THADA: variants seen among roughly 807,000 people sequenced by gnomAD.
THADA encodes THADA armadillo repeat containing.
In THADA, 213 loss-of-function variants were observed where a neutral mutation model predicts 219.8. That is an observed-to-expected ratio of 0.97 (90% confidence interval 0.87 to 1.09). The LOEUF is 1.09. THADA is among the 50% of genes least tolerant of loss of function. The pLI, the probability that THADA is intolerant of heterozygous loss-of-function variation, is 0.00. For missense variants in THADA, 2,956 were observed against 2,311.3 expected, an observed-to-expected ratio of 1.28 and a Z score of -5.72; for synonymous variants, 1,018 against 828.9, an observed-to-expected ratio of 1.23 and a Z score of -3.92.
At chr2:43,542,152 A>G (rs966848435) in intron 20 of THADA, among the ~76,000 whole-genome samples, 7 of 152,234 alleles carry the variant, frequency 4.6e-5, no homozygotes, top group African/African-American at 7.2e-5. Flanking sequence ...CTATTATATT[A>G]AATAAAAGAG....
At chr2:43,262,789 A>G (rs780099800) in intron 36 of THADA, among the ~76,000 whole-genome samples, 2 of 152,244 alleles carry the variant, frequency 1.3e-5, no homozygotes, top group African/African-American at 4.8e-5. Flanking sequence ...CAGCTGTGTC[A>G]GCATCACTGG....
intron 20 of THADA, among the ~76,000 whole-genome samples, chr2:43,544,787 G>C (rs1223966849): frequency 2.6e-5 from 4 of 151,510 alleles, no homozygotes; most frequent in Admixed American, 2.0e-4. Flanking sequence ...TGAGAAAATG[G>C]GGTTTTCTAG....
intron 29 of THADA, among the ~76,000 whole-genome samples, chr2:43,345,560 C>T (rs893043742): frequency 1.3e-5 from 2 of 152,140 alleles, no homozygotes; most frequent in African/African-American, 4.8e-5. Context: ...CCGCAGGGAC[C>T]CAAACCACCC....
At chr2:43,442,745 T>A (rs1319004724) in intron 26 of THADA, among the ~76,000 whole-genome samples, 1 of 152,154 alleles carries the variant, frequency 6.6e-6, no homozygotes, top group Non-Finnish European at 1.5e-5. Context: ...CCATGGACCT[T>A]CACTAAATGT....
chr2:43,453,495 G>A (rs1157629681), intron 26 of THADA, among the ~76,000 whole-genome samples: 1 of 152,198 alleles, frequency 6.6e-6, no homozygotes, highest in Non-Finnish European at 1.5e-5. Context: ...ACTCATTATT[G>A]CTATTATTAT....
chr2:43,595,034 AT>A (rs1701992674), intron 1 of THADA, among the ~76,000 whole-genome samples: 1 of 152,244 alleles, frequency 6.6e-6, no homozygotes, highest in African/African-American at 2.4e-5. Context: ...TATTTTGTTC[AT>A]GTTTCAAGTC....
At chr2:43,276,251 G>GCTGGGGCTCCCTGATGTCCATACTT (rs1197923070) in intron 36 of THADA, among the ~76,000 whole-genome samples, 1 of 152,222 alleles carries the variant, frequency 6.6e-6, no homozygotes, top group Non-Finnish European at 1.5e-5. Context: ...GGGTCCTGCA[G>GCTGGGGCTCCCTGATGTCCATACTT]CTGGGGCTCC....
intron 30 of THADA, among the ~76,000 whole-genome samples, chr2:43,337,899 A>G (rs1328713478): frequency 6.6e-6 from 1 of 152,216 alleles, no homozygotes; most frequent in Non-Finnish European, 1.5e-5. Context: ...AAAATAGGCA[A>G]AAGTATTTTA....
chr2:43,514,432 CAG>C (rs1449579248), intron 22 of THADA, among the ~76,000 whole-genome samples: 1 of 144,438 alleles, frequency 6.9e-6, no homozygotes, highest in Non-Finnish European at 1.5e-5. Flanking sequence ...GCCTGGGTGA[CAG>C]AGTGAGACCC....
At chr2:43,556,132 A>G (rs1697309803) in intron 17 of THADA, 1 of 1,103,706 alleles carries the variant, frequency 9.1e-7, no homozygotes, top group Non-Finnish European at 1.2e-6. Flanking sequence ...ATATTTGTAT[A>G]TGTACTTATT....
rs776041607 is a variant in THADA at position 43,430,258 on chromosome 2, G to T, written c.3881C>A (p.Pro1294His). ...EFFSRFPELY[P>H]FLLKQLETVA... ...AGTTTCCAACTGTTTGAGAAGAAAA[G>T]GATAGAGTTCTGGGAAACGAGAGAA... The change falls in exon 27 of 38, where the codon CCT (proline) becomes CAT (histidine). Residue 1294 changes from proline to histidine, a missense_variant. By Grantham distance (77) the Pro-to-His change is moderately conservative. Coordinates refer to ENST00000405975, the MANE Select transcript of THADA (RefSeq NM_022065.5). 6.4e-7 allele frequency: 1 copy of T among 1,552,396 alleles called. No homozygotes were observed. Among genetic ancestry groups the T allele is most frequent in the East Asian group, 2.4e-5 (1 of 42,134 alleles).
chr2:43,325,211 A>T (rs748984814), intron 30 of THADA, among the ~76,000 whole-genome samples: 2 of 152,156 alleles, frequency 1.3e-5, no homozygotes, highest in Non-Finnish European at 2.9e-5. Flanking sequence ...CAAAAGCCCC[A>T]GTGTCTAGAG....
At chr2:43,517,831 A>C (rs776242006) in intron 22 of THADA, among the ~76,000 whole-genome samples, 12 of 152,162 alleles carry the variant, frequency 7.9e-5, no homozygotes, top group Non-Finnish European at 1.3e-4. Flanking sequence ...GGGAGCAAAA[A>C]ATCCAAACTC....
At chr2:43,485,346 C>T in intron 25 of THADA, 21 bp from the exon 26 acceptor site, 1 of 1,549,408 alleles carries the variant, frequency 6.5e-7, no homozygotes, top group Non-Finnish European at 8.9e-7. Context: ...AACGAAAACA[C>T]AATAAGGCTT....
At chr2:43,580,338 C>T (rs186368990) in intron 8 of THADA, among the ~76,000 whole-genome samples, 76 of 152,010 alleles carry the variant, frequency 5.0e-4, no homozygotes, top group Non-Finnish European at 8.5e-4. Context: ...CACACCCGGC[C>T]GAAGTTACCT....
At chr2:43,270,906 C>T (rs1233567460) in intron 36 of THADA, among the ~76,000 whole-genome samples, 1 of 152,150 alleles carries the variant, frequency 6.6e-6, no homozygotes, top group Non-Finnish European at 1.5e-5. Context: ...TAAAGTATCT[C>T]ACAGTGTTGT....
At chr2:43,521,708 G>A (rs1301189427) in intron 22 of THADA, among the ~76,000 whole-genome samples, 2 of 152,180 alleles carry the variant, frequency 1.3e-5, no homozygotes, top group African/African-American at 4.8e-5. Flanking sequence ...GCAAATTATT[G>A]TTCCATAAAC....
At chr2:43,328,350 G>C (rs987710999) in intron 30 of THADA, among the ~76,000 whole-genome samples, 1 of 152,218 alleles carries the variant, frequency 6.6e-6, no homozygotes, top group African/African-American at 2.4e-5. Context: ...CTCCCTGGGG[G>C]AGGTGTGACG....
intron 36 of THADA, among the ~76,000 whole-genome samples, chr2:43,263,813 T>C (rs1435993492): frequency 6.6e-6 from 1 of 152,204 alleles, no homozygotes; most frequent in East Asian, 1.9e-4. Context: ...CCATGGTGGT[T>C]TGCTGCACCT....
Sources: allele counts gnomAD v4.1 joint callset (sites outside exome capture counted in the v4.1 genomes callset), GRCh38; gene constraint gnomAD v4.1.1; transcripts MANE v1.5; gene names NCBI Gene and HGNC (gene_info 2026-07-23, HGNC 2026-07-21).